TBC1D19: variants seen among roughly 807,000 people sequenced by gnomAD.
The protein encoded by TBC1D19 is TBC1 domain family, member 19.
A neutral mutation model predicts 89.0 loss-of-function variants in TBC1D19; 60 were observed. That is an observed-to-expected ratio of 0.67 (90% CI 0.55 to 0.84). TBC1D19 has a LOEUF of 0.84. Ranked by LOEUF, TBC1D19 falls within the 40% of genes least tolerant of loss-of-function variation. TBC1D19 has a pLI of 0.00. For missense variants in TBC1D19, 500 were observed against 610.8 expected (o/e 0.82, Z 1.91); for synonymous variants, 189 against 199.7 (o/e 0.95, Z 0.45).
chr4:26,857,639 C>G, the TBC1D19 span: 3 of 152,136 alleles, frequency 2.0e-5, no homozygotes, highest in African/African-American at 7.2e-5. Flanking sequence ...AACCCAGCAG[C>G]TTGAGAACTC....
chr4:26,646,894 A>G (rs996119443), intron 7 of TBC1D19, among the ~76,000 whole-genome samples: 1 of 152,220 alleles, frequency 6.6e-6, no homozygotes, highest in Non-Finnish European at 1.5e-5. Context: ...TATGTAACAA[A>G]CCTGCACATG....
At chr4:26,766,961 A>G in the TBC1D19 span, among the ~76,000 whole-genome samples, 1 of 152,314 alleles carries the variant, frequency 6.6e-6, no homozygotes, top group Non-Finnish European at 1.5e-5. Flanking sequence ...CAAGCTCAGA[A>G]CAATAAGACA....
At chr4:26,675,946 C>T (rs575916133) in intron 11 of TBC1D19, among the ~76,000 whole-genome samples, 1 of 152,064 alleles carries the variant, frequency 6.6e-6, no homozygotes, top group African/African-American at 2.4e-5. Context: ...AAGAAGATTG[C>T]TTTTGTATAT....
At chr4:26,622,095 G>A (rs894489840) in intron 4 of TBC1D19, among the ~76,000 whole-genome samples, 1 of 152,076 alleles carries the variant, frequency 6.6e-6, no homozygotes. Flanking sequence ...GGACTGTTGT[G>A]GGGTGGGGGG....
chr4:26,735,747 T>C (rs1482859858), intron 16 of TBC1D19, among the ~76,000 whole-genome samples: 1 of 152,210 alleles, frequency 6.6e-6, no homozygotes, highest in African/African-American at 2.4e-5. Flanking sequence ...TTTTAAAATG[T>C]TGAGTTTAAT....
the TBC1D19 span, among the ~76,000 whole-genome samples, chr4:26,784,886 T>C: frequency 6.6e-6 from 1 of 152,248 alleles, no homozygotes; most frequent in African/African-American, 2.4e-5. Flanking sequence ...TCCCAGCTTA[T>C]GTTACTCTCC....
intron 4 of TBC1D19, among the ~76,000 whole-genome samples, chr4:26,625,117 A>T (rs2110044628): frequency 6.6e-6 from 1 of 151,694 alleles, no homozygotes; most frequent in Non-Finnish European, 1.5e-5. Context: ...TTAGCTCTTG[A>T]TCATGTCTTC....
intron 11 of TBC1D19, among the ~76,000 whole-genome samples, chr4:26,682,618 G>T (rs79230569): frequency 0.022 from 3,372 of 152,224 alleles, 123 homozygotes; most frequent in African/African-American, 0.076. Flanking sequence ...AGGAGGCTAG[G>T]GCTAAAGTGC....
At chr4:26,711,688 G>T (rs1277463511) in intron 13 of TBC1D19, among the ~76,000 whole-genome samples, 1 of 152,042 alleles carries the variant, frequency 6.6e-6, no homozygotes, top group East Asian at 1.9e-4. Context: ...TCCTGATGAA[G>T]TTTAATTTTT....
intron 16 of TBC1D19, 44 bp from the exon 17 acceptor site, chr4:26,739,820 T>C: frequency 1.8e-6 from 2 of 1,096,440 alleles, no homozygotes. Context: ...TATCTTAACA[T>C]TTCAGTAGTT....
chr4:26,654,895 A>G (rs1744681789), intron 7 of TBC1D19, among the ~76,000 whole-genome samples: 1 of 152,118 alleles, frequency 6.6e-6, no homozygotes, highest in African/African-American at 2.4e-5. Flanking sequence ...TTCTCCATCC[A>G]GCTTTTTTCC....
At chr4:26,720,173 A>G in intron 15 of TBC1D19, 48 bp downstream of exon 15, 1 of 1,400,572 alleles carries the variant, frequency 7.1e-7, no homozygotes, top group South Asian at 1.3e-5. Flanking sequence ...AAAAAATTAC[A>G]ACTTTTATAA....
chr4:26,643,159 T>C, intron 7 of TBC1D19, among the ~76,000 whole-genome samples: 1 of 152,160 alleles, frequency 6.6e-6, no homozygotes, highest in East Asian at 1.9e-4. Flanking sequence ...TATTTCAAAA[T>C]TGATCACATA....
intron 7 of TBC1D19, among the ~76,000 whole-genome samples, chr4:26,653,000 CATTTAGTTCCATAA>C (rs1217671902): frequency 3.9e-5 from 6 of 152,188 alleles, no homozygotes; most frequent in Non-Finnish European, 7.3e-5. Flanking sequence ...CTCTTGTGGG[CATTTAGTTCCATAA>C]ATTTCCTTCT....
intron 1 of TBC1D19, among the ~76,000 whole-genome samples, chr4:26,598,982 A>T (rs1740419636): frequency 6.6e-6 from 1 of 152,012 alleles, no homozygotes; most frequent in Non-Finnish European, 1.5e-5. Flanking sequence ...AAGAAGGATA[A>T]AGCAGGAGTC....
the TBC1D19 span, among the ~76,000 whole-genome samples, chr4:26,833,520 C>G: frequency 6.6e-6 from 1 of 152,098 alleles, no homozygotes; most frequent in Non-Finnish European, 1.5e-5. Context: ...TCCAGAATGT[C>G]AAATAAATGG....
intron 5 of TBC1D19, among the ~76,000 whole-genome samples, chr4:26,637,509 C>T (rs563518249): frequency 4.4e-4 from 67 of 152,126 alleles, no homozygotes; most frequent in Admixed American, 7.9e-4. Context: ...GTAGCTGGGA[C>T]TACAGGCACC....
chr4:26,792,378 G>A, the TBC1D19 span, among the ~76,000 whole-genome samples: 4 of 152,176 alleles, frequency 2.6e-5, no homozygotes, highest in African/African-American at 9.7e-5. Context: ...TAACAGAAGT[G>A]AAATTGGAGC....
At chr4:26,805,028 G>A in the TBC1D19 span, among the ~76,000 whole-genome samples, 3 of 152,134 alleles carry the variant, frequency 2.0e-5, no homozygotes, top group South Asian at 6.2e-4. Flanking sequence ...TCCGCTTAGG[G>A]TTTGAGATCA....
Sources: allele counts gnomAD v4.1 joint callset (sites outside exome capture counted in the v4.1 genomes callset), GRCh38; gene constraint gnomAD v4.1.1; transcripts MANE v1.5; gene names NCBI Gene and HGNC (gene_info 2026-07-23, HGNC 2026-07-21).